The following LAMB1 variants were observed in gnomAD, a reference collection of about 807,000 sequenced individuals.
LAMB1 encodes laminin subunit beta 1.
In LAMB1, 121 loss-of-function variants were observed where a neutral mutation model predicts 222.3. The observed-to-expected ratio is 0.54, with a 90% CI of 0.47 to 0.63. LAMB1 has a LOEUF of 0.63. LAMB1 is among the 30% of genes least tolerant of loss of function. The pLI, the probability that LAMB1 is intolerant of heterozygous loss-of-function variation, is 0.00. For missense variants in LAMB1, 2,172 were observed against 2,240.8 expected, an observed-to-expected ratio of 0.97 and a Z score of 0.62; for synonymous variants, 794 against 807.2, an observed-to-expected ratio of 0.98 and a Z score of 0.28.
At position 107,923,914 on chromosome 7, in the gene LAMB1, T is replaced by C; in HGVS notation, c.*37A>G. Reference sequence around the variant, plus strand: ...GTCAGTTTTTAAAATGTAGTTGTTTTACCTTGTTCACCTCAGCCATTTTTT... The same window carrying C: ...GTCAGTTTTTAAAATGTAGTTGTTTCACCTTGTTCACCTCAGCCATTTTTT... On this transcript the variant is annotated 3_prime_UTR_variant, in exon 34 of 34. Transcript: ENST00000222399. 2 of 1,569,506 alleles carry C rather than the reference T, an allele frequency of 1.3e-6. No individual in the cohort carries two copies. Among genetic ancestry groups the C allele is most frequent in the South Asian group, 1.2e-5 (1 of 84,900 alleles).
chr7:107,960,786 A>AATTTATTT (rs1253306985), intron 17 of LAMB1, 137 bp from the exon 18 acceptor site: 11 of 679,460 alleles, frequency 1.6e-5, no homozygotes, highest in Non-Finnish European at 2.5e-5. Context: ...AATAAAGTAT[A>AATTTATTT]AACCTCCCTA....
In LAMB1 at chr7:107,959,497, A is replaced by G; in HGVS notation, c.2459-17T>C. The stretch of plus-strand genomic sequence containing the variant: ...ACTCACAAGCTAAAGAAACAGGCAA[A>G]CAAGGAACTGCCTTGAGAAACTCAT... On this transcript the variant is annotated splice_polypyrimidine_tract_variant and intron_variant, in intron 19 of 33. Coordinates refer to ENST00000222399, the MANE Select transcript of LAMB1 (RefSeq NM_002291.3). The G allele has an allele frequency of 3.1e-6, 5 of 1,613,554 alleles. No individual in the cohort carries two copies. The highest frequency in any genetic ancestry group is 4.2e-6 in the Non-Finnish European group (5 of 1,179,686).
chr7:107,940,735 T>A (rs1004999402), intron 24 of LAMB1, among the ~76,000 whole-genome samples: 3 of 152,148 alleles, frequency 2.0e-5, no homozygotes, highest in Non-Finnish European at 2.9e-5. Context: ...ACGCCAGAAT[T>A]CTGATTCAGT....
intron 31 of LAMB1, among the ~76,000 whole-genome samples, chr7:107,928,591 C>G (rs1296069731): frequency 6.6e-6 from 1 of 151,802 alleles, no homozygotes; most frequent in Non-Finnish European, 1.5e-5. Flanking sequence ...CTCCCCGGTT[C>G]AAGCAATTCT....
Position 107,990,709 on chromosome 7 carries a change from G to C in LAMB1, c.423+4178C>G, listed in dbSNP as rs551945376. ...TCATGGTTCAGCTTTTGATTTTAAAGTATCCAAATGACTGCCCTTAGAAAA... is the reference window on the plus strand; with the variant it reads ...TCATGGTTCAGCTTTTGATTTTAAACTATCCAAATGACTGCCCTTAGAAAA... On this transcript the variant is annotated intron_variant, in intron 5 of 33. Transcript: ENST00000222399. 4.5e-4 allele frequency among the ~76,000 whole-genome samples: 69 copies of C among 152,240 alleles called. No individual in the cohort carries two copies. In the South Asian group the frequency reaches 5.4e-3, roughly 12 times the overall value.
intron 21 of LAMB1, among the ~76,000 whole-genome samples, chr7:107,954,290 G>A (rs2033327604): frequency 6.6e-6 from 1 of 151,806 alleles, no homozygotes; most frequent in Non-Finnish European, 1.5e-5. Context: ...CAGCAGCTGG[G>A]ACTACAGGTT....
chr7:107,992,452 A>G (rs1365878927), intron 5 of LAMB1, among the ~76,000 whole-genome samples: 1 of 152,340 alleles, frequency 6.6e-6, no homozygotes, highest in East Asian at 1.9e-4. Flanking sequence ...AGTTTCTTAC[A>G]AACAGAAGAT....
At chr7:107,996,329 AAGAAACAAGGTCATTCTTCTAT>A (rs2034280320) in intron 4 of LAMB1, among the ~76,000 whole-genome samples, 1 of 152,202 alleles carries the variant, frequency 6.6e-6, no homozygotes. Flanking sequence ...CCACAGAGAA[AAGAAACAAGGTCATTCTTCTAT>A]AGTGTATTTG....
chr7:107,975,767 C>G lies in LAMB1; in HGVS notation c.1111G>C (p.Gly371Arg). The G allele has an allele frequency of 6.2e-7, 1 of 1,613,978 alleles. No homozygotes were observed. The highest frequency in any genetic ancestry group is 8.5e-7 in the Non-Finnish European group (1 of 1,180,002). The change falls in exon 10 of 34, where the codon GGG (glycine) becomes CGG (arginine). Residue 371 changes from glycine (G) to arginine (R), a missense_variant. Transcript: ENST00000222399. ...VCDDCQHNTM[G>R]RNCEQCKPFY... Reference sequence around the variant, plus strand: ...GGCTTGCACTGCTCACAGTTGCGCCCCATGGTGTTGTGCTGACAGTCATCA... The same window carrying G: ...GGCTTGCACTGCTCACAGTTGCGCCGCATGGTGTTGTGCTGACAGTCATCA...
In LAMB1 at chr7:107,952,229, A is replaced by G. The variant is rs567645376; in HGVS notation, c.3080-6T>C. 2.5e-6 allele frequency: 4 copies of G among 1,587,202 alleles called. No homozygotes were observed. Among genetic ancestry groups the G allele is most frequent in the Middle Eastern group, 1.7e-4 (1 of 5,992 alleles). On this transcript the variant is annotated splice_region_variant and splice_polypyrimidine_tract_variant and intron_variant, in intron 22 of 33. Coordinates refer to ENST00000222399, the MANE Select transcript of LAMB1 (RefSeq NM_002291.3). ...CAGGTAATTACAGACACACTCTGCA[A>G]AAGAACATCACATTTACTTATTGTC...
At chr7:107,931,575 C>CA in intron 28 of LAMB1, 75 bp from the exon 29 acceptor site, 1 of 1,354,036 alleles carries the variant, frequency 7.4e-7, no homozygotes, top group South Asian at 1.3e-5. Flanking sequence ...GGAAATGGCT[C>CA]AAAAATGATG....
At chr7:107,927,993 C>G (rs1203899035) in intron 31 of LAMB1, among the ~76,000 whole-genome samples, 1 of 152,160 alleles carries the variant, frequency 6.6e-6, no homozygotes, top group Non-Finnish European at 1.5e-5. Context: ...AAAGTATATT[C>G]TGAGAACCTG....
At chr7:107,955,222 G>A (rs867466299) in intron 21 of LAMB1, among the ~76,000 whole-genome samples, 27 of 152,162 alleles carry the variant, frequency 1.8e-4, no homozygotes, top group African/African-American at 6.5e-4. Flanking sequence ...GTGTTCCACA[G>A]GGTTTCTAGA....
intron 5 of LAMB1, among the ~76,000 whole-genome samples, chr7:107,988,855 T>A (rs3843544): frequency 0.44 from 66,569 of 151,986 alleles, 14,804 homozygotes; most frequent in Middle Eastern, 0.52. Context: ...TGCCAACACC[T>A]TACCCTGAGA....
Position 107,980,794 on chromosome 7 carries a change from T to C in LAMB1, c.694A>G (p.Asn232Asp). ...AGTTTCACAAACTTGATTCTCAAGT[T>C]GGTAATTTTTAATAAATCTAGGAAG... ...PRIQNLLKIT[N>D]LRIKFVKLHT... Residue 232 changes from asparagine (N) to aspartate (D), a missense_variant, in exon 8 of 34, where the codon AAC becomes GAC. Physicochemically the swap from Asn to Asp is conservative, Grantham distance 23. Transcript: ENST00000222399. The C allele has an allele frequency of 6.2e-7, 1 of 1,607,238 alleles. No homozygotes were observed.
At chr7:107,990,061 T>C (rs987743008) in intron 5 of LAMB1, among the ~76,000 whole-genome samples, 1 of 152,038 alleles carries the variant, frequency 6.6e-6, no homozygotes, top group Non-Finnish European at 1.5e-5. Context: ...TTTTTTGAGA[T>C]AGAGTCTTGC....
intron 23 of LAMB1, among the ~76,000 whole-genome samples, chr7:107,951,523 C>T (rs1247773113): frequency 6.6e-6 from 1 of 152,200 alleles, no homozygotes; most frequent in African/African-American, 2.4e-5. Context: ...TGCAACAGGG[C>T]TTGGAAAGGT....
intron 9 of LAMB1, among the ~76,000 whole-genome samples, chr7:107,976,539 G>A (rs2033859824): frequency 6.6e-6 from 1 of 152,082 alleles, no homozygotes; most frequent in East Asian, 1.9e-4. Context: ...CTTTGCACAG[G>A]GAAGCTTGAC....
intron 24 of LAMB1, among the ~76,000 whole-genome samples, chr7:107,944,691 A>C (rs887353873): frequency 6.8e-6 from 1 of 147,034 alleles, no homozygotes; most frequent in African/African-American, 2.4e-5. Context: ...CACATTTTAC[A>C]ACCTTGTAAA....
Sources: gnomAD v4.1 joint callset for allele counts (sites outside exome capture counted in the v4.1 genomes callset) on GRCh38, gnomAD v4.1.1 for gene constraint, MANE v1.5 for transcripts, NCBI Gene and HGNC (gene_info 2026-07-23, HGNC 2026-07-21) for gene names.